The following MAB21L4 variants were observed in gnomAD, a reference collection of about 807,000 sequenced individuals.
MAB21L4 encodes the protein protein mab-21-like 4.
MAB21L4 carries 25 observed loss-of-function variants against 32.4 expected under a neutral mutation model. The ratio of observed to expected loss-of-function variants is 0.77; its 90% CI spans 0.56 to 1.08. MAB21L4 has a LOEUF of 1.08. Among genes scored for constraint, MAB21L4 ranks in the 50% least tolerant of loss-of-function variants. The pLI, the probability that MAB21L4 is intolerant of heterozygous loss-of-function variation, is 0.00. For synonymous variants in MAB21L4, 280 were observed against 276.8 expected, an observed-to-expected ratio of 1.01 and a Z score of -0.11; for missense variants, 638 against 611.0, an observed-to-expected ratio of 1.04 and a Z score of -0.47.
chr2:240,895,395 C>T, intron 1 of MAB21L4, 89 bp downstream of exon 1: 2 of 1,267,328 alleles, frequency 1.6e-6, no homozygotes, highest in Admixed American at 2.6e-5. Context: ...CAATCACACA[C>T]ATGTGCACTC....
Position 240,888,554 on chromosome 2 carries a change from C to G in MAB21L4, c.989G>C (p.Cys330Ser), listed in dbSNP as rs1328414059. Residue 330 changes from cysteine (C) to serine (S), a missense_variant, in exon 4 of 5, where the codon TGT becomes TCT. Physicochemically the swap from Cys to Ser is moderately radical, Grantham distance 112 (BLOSUM62 -1). Transcript: ENST00000388934. ...GGGCAGCTTCCGCGTGGCCAGGCAA[C>G]AGAGCAGCACCACCAGCAGGCGGTA... ...AVYRLLVVLLCCLATRKLPHF... is the reference protein window; with the variant it reads ...AVYRLLVVLLSCLATRKLPHF... The G allele has an allele frequency of 6.2e-7, 1 of 1,608,756 alleles. No homozygotes were observed. The highest frequency in any genetic ancestry group is 8.5e-7 in the Non-Finnish European group (1 of 1,179,326).
At chr2:240,893,702 G>T (rs1005761914) in intron 1 of MAB21L4, among the ~76,000 whole-genome samples, 2 of 148,226 alleles carry the variant, frequency 1.3e-5, no homozygotes, top group Non-Finnish European at 3.0e-5. Flanking sequence ...GGGGCTGTGG[G>T]CGCGGCCTGC....
Position 240,887,010 on chromosome 2 carries a change from G to T in MAB21L4, c.*60C>A, listed in dbSNP as rs2059100913. On this transcript the variant is annotated 3_prime_UTR_variant, in exon 5 of 5. Coordinates refer to ENST00000388934, the MANE Select transcript of MAB21L4 (RefSeq NM_001085437.3). ...TCCAAACATCCCAGGAGCCTCCCATGGTGCAGTGCAGAGTCTGTTGGGGAG... is the reference window on the plus strand; with the variant it reads ...TCCAAACATCCCAGGAGCCTCCCATTGTGCAGTGCAGAGTCTGTTGGGGAG... The T allele has an allele frequency of 2.3e-6, 3 of 1,279,690 alleles. No homozygotes were observed. Among genetic ancestry groups the T allele is most frequent in the Non-Finnish European group, 2.3e-6 (2 of 879,610 alleles). 79.3% of individuals were successfully genotyped at this position (1,279,690 alleles called of 1,614,324 possible).
At chr2:240,890,972 A>G (rs1460000270) in intron 2 of MAB21L4, among the ~76,000 whole-genome samples, 2 of 152,178 alleles carry the variant, frequency 1.3e-5, no homozygotes, top group Non-Finnish European at 2.9e-5. Flanking sequence ...AAAGCCCTCC[A>G]CTGACGAGCG....
At chr2:240,890,293 AC>A (rs2106438678) in intron 2 of MAB21L4, 135 bp from the exon 3 acceptor site, 1 of 1,091,068 alleles carries the variant, frequency 9.2e-7, no homozygotes, top group East Asian at 2.7e-5. Context: ...CCCAGCCGGA[AC>A]CCAGGCTTCT....
chr2:240,891,601 C>T lies in MAB21L4; in HGVS notation c.677G>A (p.Gly226Asp). The T allele has an allele frequency of 6.2e-7, 1 of 1,610,238 alleles. No homozygotes were observed. Residue 226 changes from glycine to aspartate, a missense_variant, in exon 2 of 5, where the codon GGC becomes GAC. Gly to Asp is a moderately conservative substitution (Grantham distance 94, BLOSUM62 -1). Transcript: ENST00000388934. ...TTGGCTGAGGATCCTTCTCAAGCTG[C>T]CCTCAGGGAATCCGGGCATCTGCTG... is the stretch of plus-strand genomic sequence containing the variant. The part of the protein sequence containing the change: ...GVQQMPGFPE[G>D]SLRRILSQGV...
Position 240,895,886 on chromosome 2 carries a change from G to T in MAB21L4, c.112C>A (p.Arg38Ser), listed in dbSNP as rs74779896. Residue 38 changes from arginine (R) to serine (S), a missense_variant, in exon 1 of 5, where the codon CGC (arginine) becomes AGC (serine). Coordinates refer to ENST00000388934, the MANE Select transcript of MAB21L4 (RefSeq NM_001085437.3). ...ACCGTGAGCAGCACGTTCTCTGCGC[G>T]CTGGAAGTCCTGGGCACGCGGCGCC... Reference protein sequence around the residue: ...REAPRAQDFQRAENVLLTVLE... With the variant: ...REAPRAQDFQSAENVLLTVLE... 4 of 1,538,000 alleles carry T rather than the reference G, an allele frequency of 2.6e-6. No individual in the cohort carries two copies. The highest frequency in any genetic ancestry group is 3.5e-6 in the Non-Finnish European group (4 of 1,140,882).
At chr2:240,891,503 C>A in intron 2 of MAB21L4, 35 bp downstream of exon 2, 1 of 1,546,530 alleles carries the variant, frequency 6.5e-7, no homozygotes, top group Non-Finnish European at 8.8e-7. Context: ...CCTGCCCCCT[C>A]CCCAAGAACC....
intron 2 of MAB21L4, among the ~76,000 whole-genome samples, 158 bp from the exon 3 acceptor site, chr2:240,890,316 G>A (rs776169060): frequency 6.6e-6 from 1 of 152,242 alleles, no homozygotes; most frequent in Non-Finnish European, 1.5e-5. Context: ...GGGAGCTGCT[G>A]TCATCGGCTG....
chr2:240,888,574 G>T lies in MAB21L4; in HGVS notation c.969C>A (p.Arg323=). The part of the protein sequence containing the change: ...DWAELQGAVY[R]LLVVLLCCLA... ...GGCAACAGAGCAGCACCACCAGCAG[G>T]CGGTACACGGCGCCCTGCAGTTCTG... The change falls in exon 4 of 5, where the codon CGC becomes CGA. Residue 323 remains arginine, a synonymous_variant. Transcript: ENST00000388934. 1 of 1,608,056 alleles carries T rather than the reference G, an allele frequency of 6.2e-7. No individual in the cohort carries two copies. Among genetic ancestry groups the T allele is most frequent in the African/African-American group, 1.3e-5 (1 of 74,884 alleles).
chr2:240,894,817 G>A (rs2059175882), intron 1 of MAB21L4, among the ~76,000 whole-genome samples: 1 of 88,802 alleles, frequency 1.1e-5, no homozygotes, highest in African/African-American at 5.2e-5. Context: ...CAAACAAAAG[G>A]CCCCAGAGGA....
Position 240,890,136 on chromosome 2 carries a change from T to G in MAB21L4, c.763A>C (p.Thr255Pro), listed in dbSNP as rs932471093. Residue 255 changes from threonine (T) to proline (P), a missense_variant, in exon 3 of 5, where the codon ACG (threonine) becomes CCG (proline). By Grantham distance (38) the Thr-to-Pro change is conservative. Transcript: ENST00000388934. The part of the protein sequence containing the change: ...LWRTSTDYLL[T>P]RLLGELGSLQ... The stretch of plus-strand genomic sequence containing the variant: ...GAGCCCAGCTCCCCCAGCAGCCTCG[T>G]GAGCAGGTAGTCAGTGGAGGTCCTG... 1.2e-6 allele frequency: 2 copies of G among 1,609,874 alleles called. No individual in the cohort carries two copies. The highest frequency in any genetic ancestry group is 1.7e-6 in the Non-Finnish European group (2 of 1,177,480).
chr2:240,892,019 C>G, intron 1 of MAB21L4: 1 of 1,492,034 alleles, frequency 6.7e-7, no homozygotes, highest in Non-Finnish European at 8.9e-7. Flanking sequence ...GTCAGCTCAG[C>G]GACTTGCAGC....
rs765578940 is a variant in MAB21L4, at chr2:240,895,836, G to T, written c.162C>A (p.Asp54Glu). The change falls in exon 1 of 5, where the codon GAC becomes GAA. Residue 54 changes from aspartate (D) to glutamate (E), a missense_variant. Coordinates refer to ENST00000388934, the MANE Select transcript of MAB21L4 (RefSeq NM_001085437.3). Reference protein sequence around the residue: ...LTVLERVHALDPRFIVDYSRG... With the variant: ...LTVLERVHALEPRFIVDYSRG... ...GGGAGTAGTCCACGATGAAGCGGGG[G>T]TCCAGGGCATGCACGCGCTCCAGCA... 1 of 1,585,144 alleles carries T rather than the reference G, an allele frequency of 6.3e-7. No homozygotes were observed. Among genetic ancestry groups the T allele is most frequent in the South Asian group, 1.1e-5 (1 of 87,370 alleles).
At chr2:240,893,199 G>A (rs147018836) in intron 1 of MAB21L4, among the ~76,000 whole-genome samples, 90 of 152,332 alleles carry the variant, frequency 5.9e-4, no homozygotes, top group Admixed American at 2.0e-3. Context: ...GAGCGAGCAT[G>A]GGGCCTGCCT....
chr2:240,887,228 G>A, intron 4 of MAB21L4, 66 bp from the exon 5 acceptor site: 1 of 1,336,690 alleles, frequency 7.5e-7, no homozygotes, highest in Non-Finnish European at 1.1e-6. Flanking sequence ...AGCTCTCAGG[G>A]CCGAGAGCAC....
chr2:240,891,223 C>T (rs561635823), intron 2 of MAB21L4, among the ~76,000 whole-genome samples: 1 of 152,340 alleles, frequency 6.6e-6, no homozygotes, highest in East Asian at 1.9e-4. Flanking sequence ...GGTTGCCTGA[C>T]CTCTCAGCTA....
intron 4 of MAB21L4, among the ~76,000 whole-genome samples, 179 bp from the exon 5 acceptor site, chr2:240,887,341 C>T (rs981650007): frequency 2.6e-5 from 4 of 152,246 alleles, no homozygotes; most frequent in Non-Finnish European, 5.9e-5. Flanking sequence ...GCCTCTGCTG[C>T]TCCCTGAGCC....
upstream of MAB21L4, among the ~76,000 whole-genome samples, chr2:240,896,554 C>A (rs1190449617): frequency 6.6e-6 from 1 of 152,164 alleles, no homozygotes; most frequent in Non-Finnish European, 1.5e-5. Flanking sequence ...AGGGCGGTGG[C>A]TGCCCAGACC....
Sources: allele counts gnomAD v4.1 joint callset (sites outside exome capture counted in the v4.1 genomes callset), GRCh38; gene constraint gnomAD v4.1.1; transcripts MANE v1.5; gene names NCBI Gene and HGNC (gene_info 2026-07-23, HGNC 2026-07-21).